The following DNM2 variants were observed in gnomAD, a reference collection of about 807,000 sequenced individuals.
The protein encoded by DNM2 is dynamin-2.
A neutral mutation model predicts 99.0 loss-of-function variants in DNM2; 15 were observed. That is an observed-to-expected ratio of 0.15 (90% CI 0.10 to 0.23). The LOEUF is 0.23. Ranked by LOEUF, DNM2 falls within the 10% of genes least tolerant of loss-of-function variation. The pLI is 1.00. For missense variants in DNM2, 742 were observed against 1,189.4 expected, an observed-to-expected ratio of 0.62 and a Z score of 5.53; for synonymous variants, 525 against 481.2, an observed-to-expected ratio of 1.09 and a Z score of -1.19.
chr19:10,756,560 G>A (rs912244165), intron 1 of DNM2, among the ~76,000 whole-genome samples: 22 of 152,184 alleles, frequency 1.4e-4, no homozygotes, highest in African/African-American at 9.7e-5. Context: ...GACAGGCCTA[G>A]TGCCTGGCAG....
chr19:10,756,612 C>G (rs1443050051), intron 1 of DNM2, among the ~76,000 whole-genome samples: 4 of 152,080 alleles, frequency 2.6e-5, no homozygotes, highest in Admixed American at 1.3e-4. Context: ...GAGTGTGGCT[C>G]GAAGACAGGT....
chr19:10,783,830 A>G (rs1212847951), intron 6 of DNM2, among the ~76,000 whole-genome samples: 4 of 151,738 alleles, frequency 2.6e-5, no homozygotes, highest in Non-Finnish European at 4.4e-5. Context: ...CTTCCTGAGT[A>G]GCTGGGATTA....
intron 6 of DNM2, among the ~76,000 whole-genome samples, chr19:10,784,604 A>G (rs1448753081): frequency 6.6e-6 from 1 of 152,014 alleles, no homozygotes; most frequent in African/African-American, 2.4e-5. Context: ...GTGCCCTAGT[A>G]TCCTGTCACA....
At chr19:10,744,018 C>T (rs554153117) in intron 1 of DNM2, among the ~76,000 whole-genome samples, 10 of 148,960 alleles carry the variant, frequency 6.7e-5, no homozygotes, top group South Asian at 2.1e-4. Flanking sequence ...ATTAGCCAGA[C>T]GTGGTAGCAT....
At chr19:10,766,393 A>G (rs573491218) in intron 2 of DNM2, among the ~76,000 whole-genome samples, 2 of 152,110 alleles carry the variant, frequency 1.3e-5, no homozygotes, top group Non-Finnish European at 2.9e-5. Context: ...GCCTCTGGCA[A>G]GGGGCTGCTT....
intron 13 of DNM2, among the ~76,000 whole-genome samples, chr19:10,807,377 T>C (rs2072376188): frequency 6.6e-6 from 1 of 151,824 alleles, no homozygotes; most frequent in African/African-American, 2.4e-5. Flanking sequence ...GTAGCTGGGA[T>C]TACAGGCGCC....
chr19:10,819,579 A>T (rs2072900931), intron 15 of DNM2, among the ~76,000 whole-genome samples: 1 of 152,108 alleles, frequency 6.6e-6, no homozygotes, highest in Non-Finnish European at 1.5e-5. Flanking sequence ...AGTGGCAGTC[A>T]GCCACCTAGG....
intron 6 of DNM2, among the ~76,000 whole-genome samples, chr19:10,783,906 G>C (rs2145965356): frequency 6.6e-6 from 1 of 152,008 alleles, no homozygotes; most frequent in Non-Finnish European, 1.5e-5. Flanking sequence ...TCACCATGTT[G>C]GCCAGGCTGG....
At chr19:10,827,158 T>C (rs897236269) in intron 18 of DNM2, among the ~76,000 whole-genome samples, 1 of 152,170 alleles carries the variant, frequency 6.6e-6, no homozygotes, top group African/African-American at 2.4e-5. Context: ...TAGTGATCAG[T>C]GTTCACAGTT....
intron 2 of DNM2, chr19:10,768,480 A>C (rs1000092441): frequency 2.6e-5 from 4 of 152,262 alleles, no homozygotes; most frequent in African/African-American, 9.7e-5. Context: ...ACAAAAAAAA[A>C]CAGCCCCTGT....
chr19:10,722,668 C>A (rs957049573), intron 1 of DNM2, among the ~76,000 whole-genome samples: 1 of 151,782 alleles, frequency 6.6e-6, no homozygotes, highest in Non-Finnish European at 1.5e-5. Context: ...TACTGTCACC[C>A]AGGCTAGAGT....
rs147985544 is a variant in DNM2 at position 10,754,647 on chromosome 19, C to T, written c.162-5091C>T. Among the ~76,000 whole-genome samples the T allele has an allele frequency of 4.2e-4, 64 of 151,868 alleles. No individual in the cohort carries two copies. The East Asian group carries it at 5.4e-3, about 13-fold the overall frequency. The stretch of plus-strand genomic sequence containing the variant: ...CTCTGTTGCCCAGGCTGGAGTGCAA[C>T]GGCGCAATCATGGCTCACTGCAGCC... On this transcript the variant is annotated intron_variant, in intron 1 of 20. Transcript: ENST00000389253.
intron 2 of DNM2, among the ~76,000 whole-genome samples, chr19:10,771,098 C>T (rs1004061916): frequency 1.3e-5 from 2 of 152,178 alleles, no homozygotes; most frequent in African/African-American, 4.8e-5. Flanking sequence ...AGCCATTTCC[C>T]CCTTATTTTT....
chr19:10,809,848 T>C (rs2072479057), intron 14 of DNM2: 1 of 152,330 alleles, frequency 6.6e-6, no homozygotes, highest in African/African-American at 2.4e-5. Context: ...TCCCAGGGCC[T>C]GGGTGTGCAG....
chr19:10,750,661 TG>T (rs2070159868), intron 1 of DNM2, among the ~76,000 whole-genome samples: 1 of 152,040 alleles, frequency 6.6e-6, no homozygotes, highest in Non-Finnish European at 1.5e-5. Flanking sequence ...CCGGGCGCGG[TG>T]GCTCATGCCT....
rs926506101 is a variant in DNM2 at position 10,795,793 on chromosome 19, A to G, written c.1196+354A>G. On this transcript the variant is annotated intron_variant, in intron 9 of 20. Coordinates refer to ENST00000389253, the MANE Select transcript of DNM2 (RefSeq NM_001005361.3). The surrounding 1 kb of genome is among the most constrained non-coding windows in gnomAD (Gnocchi z 4.2). ...TGAATCAGGGTTTTGGGAAGCCAGCATGAGTCCCCATCATGGCTTCCTCGT... is the reference window on the plus strand; with the variant it reads ...TGAATCAGGGTTTTGGGAAGCCAGCGTGAGTCCCCATCATGGCTTCCTCGT... The G allele has an allele frequency of 1.7e-6, 1 of 597,152 alleles. No homozygotes were observed. The highest frequency in any genetic ancestry group is 2.0e-5 in the South Asian group (1 of 51,196). The allele number at this position is 597,152 out of a possible 1,614,324, so 37.0% of individuals were successfully genotyped here.
intron 6 of DNM2, among the ~76,000 whole-genome samples, chr19:10,783,943 G>A (rs1168879583): frequency 2.0e-5 from 3 of 151,968 alleles, no homozygotes; most frequent in African/African-American, 4.8e-5. Context: ...CGAGTGATCC[G>A]CCTGTGTCAG....
At chr19:10,823,741 C>T in intron 16 of DNM2, 47 bp from the exon 17 acceptor site, 2 of 1,581,250 alleles carry the variant, frequency 1.3e-6, no homozygotes, top group Non-Finnish European at 1.7e-6. Context: ...TCTGCCAGAC[C>T]CATGGCAGGG....
rs908954503 is a variant in DNM2 at position 10,765,039 on chromosome 19, G to C, written c.235+5228G>C. Among the ~76,000 whole-genome samples the C allele has an allele frequency of 6.6e-6, 1 of 150,824 alleles. No individual in the cohort carries two copies. Among genetic ancestry groups the C allele is most frequent in the African/African-American group, 2.4e-5 (1 of 40,946 alleles). Reference sequence around the variant, plus strand: ...GTGGCGCCATCTCAGCTCACTGCAAGCTCCGCCTCCCGGGTTCACACCATG... The same window carrying C: ...GTGGCGCCATCTCAGCTCACTGCAACCTCCGCCTCCCGGGTTCACACCATG... On this transcript the variant is annotated intron_variant, in intron 2 of 20. Coordinates refer to ENST00000389253, the MANE Select transcript of DNM2 (RefSeq NM_001005361.3). This position sits in a 1 kb window ranked among gnomAD's most constrained non-coding sequence, Gnocchi z 4.4.
Sources: allele counts gnomAD v4.1 joint callset (sites outside exome capture counted in the v4.1 genomes callset), GRCh38; gene constraint gnomAD v4.1.1; non-coding constraint Gnocchi (gnomAD v3.1); transcripts MANE v1.5; gene names NCBI Gene and HGNC (gene_info 2026-07-23, HGNC 2026-07-21).